The following CRISP2 variants were observed in gnomAD, a reference collection of about 807,000 sequenced individuals.
The protein encoded by CRISP2 is cysteine rich secretory protein 2, also known as cysteine-rich secretory protein 2.
In CRISP2, 29 loss-of-function variants were observed where a neutral mutation model predicts 31.7. The observed-to-expected ratio is 0.92, with a 90% CI of 0.68 to 1.25. The LOEUF (loss-of-function observed/expected upper bound fraction) is 1.25, where lower values mean the gene tolerates loss of function less well. Ranked by LOEUF, CRISP2 falls within the 50% of genes most tolerant of loss-of-function variation. The pLI, the probability that CRISP2 is intolerant of heterozygous loss-of-function variation, is 0.00. For missense variants in CRISP2, 318 were observed against 286.5 expected, an observed-to-expected ratio of 1.11 and a Z score of -0.79; for synonymous variants, 111 against 101.4, an observed-to-expected ratio of 1.09 and a Z score of -0.57.
chr6:49,688,002 T>G (rs1357179799), downstream of CRISP2, among the ~76,000 whole-genome samples: 1 of 152,162 alleles, frequency 6.6e-6, no homozygotes, highest in East Asian at 1.9e-4. Context: ...ATACCAGCCC[T>G]TCCTTTGATA....
downstream of CRISP2, among the ~76,000 whole-genome samples, chr6:49,691,079 C>G (rs1764037311): frequency 6.6e-6 from 1 of 151,914 alleles, no homozygotes; most frequent in Non-Finnish European, 1.5e-5. Context: ...TGTTAAGGAC[C>G]AGATCAGATC....
the CRISP2 span, among the ~76,000 whole-genome samples, chr6:49,680,199 T>C: frequency 6.6e-6 from 1 of 152,162 alleles, no homozygotes. Flanking sequence ...CCCCTGTATG[T>C]GTCCATGAGT....
At chr6:49,684,361 A>G in the CRISP2 span, among the ~76,000 whole-genome samples, 14 of 152,180 alleles carry the variant, frequency 9.2e-5, no homozygotes, top group Non-Finnish European at 1.6e-4. Context: ...TTAGGGAATA[A>G]TGACAAGAAA....
intron 4 of CRISP2, among the ~76,000 whole-genome samples, chr6:49,704,560 C>G (rs961109011): frequency 2.0e-5 from 3 of 152,162 alleles, no homozygotes; most frequent in African/African-American, 7.2e-5. Flanking sequence ...GTACTCTCCC[C>G]CTTCTCCTAG....
the CRISP2 span, among the ~76,000 whole-genome samples, chr6:49,682,587 T>TTCTC: frequency 6.0e-5 from 5 of 83,666 alleles, no homozygotes; most frequent in Non-Finnish European, 7.0e-5. Flanking sequence ...CTTTCTTTCT[T>TTCTC]TTTCTTTCTT....
chr6:49,710,260 A>G lies in CRISP2; in HGVS notation c.-10+1025T>C, dbSNP rs561335774. ...AGGGATGAACAATTATTGACGGTTC[A>G]TGGAAAATGATATACAATTTCACTC... On this transcript the variant is annotated intron_variant, in intron 3 of 9. Coordinates refer to ENST00000339139, the MANE Select transcript of CRISP2 (RefSeq NM_003296.4). Among the ~76,000 whole-genome samples, 4 of 152,336 alleles carry G rather than the reference A, an allele frequency of 2.6e-5. No homozygotes were observed. The East Asian group carries it at 7.7e-4, about 29-fold the overall frequency.
the CRISP2 span, among the ~76,000 whole-genome samples, chr6:49,684,709 G>T: frequency 2.0e-5 from 3 of 152,066 alleles, no homozygotes; most frequent in African/African-American, 7.2e-5. Context: ...TAAATTAGGG[G>T]TATCTTATAC....
chr6:49,683,683 A>T, the CRISP2 span, among the ~76,000 whole-genome samples: 2 of 51,842 alleles, frequency 3.9e-5, no homozygotes, highest in African/African-American at 6.0e-5. Context: ...AAAAAAAAAA[A>T]AAAAAAAAAA....
intron 9 of CRISP2, among the ~76,000 whole-genome samples, chr6:49,693,200 AT>A (rs1221642882): frequency 1.3e-5 from 2 of 152,016 alleles, no homozygotes; most frequent in African/African-American, 4.8e-5. Context: ...AAATTGACCT[AT>A]TTTTCCCCCT....
chr6:49,683,947 T>G, the CRISP2 span, among the ~76,000 whole-genome samples: 1 of 151,826 alleles, frequency 6.6e-6, no homozygotes, highest in Non-Finnish European at 1.5e-5. Context: ...CTAATTTTAG[T>G]TTTCATCAGG....
rs376337093 is a variant in CRISP2 at position 49,702,786 on chromosome 6, A to T, written c.67-2002T>A. Reference sequence around the variant, plus strand: ...TCTGCTGATTATTTGTTTTGCTGTGAGGAAGCTTTTTAGTTTAATGAAGTC... The same window carrying T: ...TCTGCTGATTATTTGTTTTGCTGTGTGGAAGCTTTTTAGTTTAATGAAGTC... On this transcript the variant is annotated intron_variant, in intron 4 of 9. Transcript: ENST00000339139. Among the ~76,000 whole-genome samples, 17 of 152,004 alleles carry T rather than the reference A, an allele frequency of 1.1e-4. No homozygotes were observed. The East Asian group carries it at 2.5e-3, about 22-fold the overall frequency.
At chr6:49,708,309 T>A (rs1767416623) in intron 4 of CRISP2, among the ~76,000 whole-genome samples, 1 of 152,176 alleles carries the variant, frequency 6.6e-6, no homozygotes, top group Admixed American at 6.5e-5. Flanking sequence ...TTATTTGTAA[T>A]GAGTTAGGTG....
chr6:49,689,327 T>G (rs1005537006), downstream of CRISP2, among the ~76,000 whole-genome samples: 3 of 152,196 alleles, frequency 2.0e-5, no homozygotes, highest in African/African-American at 7.2e-5. Flanking sequence ...ATACCTCTAG[T>G]ATGGTATTTA....
At chr6:49,688,409 T>C (rs148738823), downstream of CRISP2, among the ~76,000 whole-genome samples, 15 of 152,260 alleles carry the variant, frequency 9.9e-5, no homozygotes, top group African/African-American at 3.4e-4. Flanking sequence ...TAAATACAAA[T>C]AAAATACAAA....
chr6:49,707,721 C>A (rs1767318462), intron 4 of CRISP2, among the ~76,000 whole-genome samples: 1 of 152,138 alleles, frequency 6.6e-6, no homozygotes, highest in Non-Finnish European at 1.5e-5. Flanking sequence ...GTCCTCCAGT[C>A]TGAAAAGTCC....
At chr6:49,685,950 A>AT in the CRISP2 span, among the ~76,000 whole-genome samples, 67 of 151,786 alleles carry the variant, frequency 4.4e-4, no homozygotes, top group Non-Finnish European at 9.1e-4. Flanking sequence ...CCTCCCAACC[A>AT]TTTTTTCTTA....
the CRISP2 span, among the ~76,000 whole-genome samples, chr6:49,685,865 T>C: frequency 4.6e-5 from 7 of 152,192 alleles, no homozygotes; most frequent in Non-Finnish European, 8.8e-5. Flanking sequence ...TACTTTATTT[T>C]AATGAGTATG....
At chr6:49,712,808 T>G (rs1768270207) in intron 1 of CRISP2, among the ~76,000 whole-genome samples, 1 of 152,200 alleles carries the variant, frequency 6.6e-6, no homozygotes, top group Non-Finnish European at 1.5e-5. Flanking sequence ...GATATTTCCT[T>G]CAAACACTAA....
chr6:49,684,210 A>C, the CRISP2 span, among the ~76,000 whole-genome samples: 1 of 152,174 alleles, frequency 6.6e-6, no homozygotes, highest in Non-Finnish European at 1.5e-5. Flanking sequence ...AATCCACTGA[A>C]GCTCAAGTCC....
Sources: allele counts gnomAD v4.1 joint callset (sites outside exome capture counted in the v4.1 genomes callset), GRCh38; gene constraint gnomAD v4.1.1; transcripts MANE v1.5; gene names NCBI Gene and HGNC (gene_info 2026-07-23, HGNC 2026-07-21).